GARNL3: variants seen among roughly 807,000 people sequenced by gnomAD.
GARNL3 encodes GTPase-activating Rap/Ran-GAP domain-like protein 3.
GARNL3 carries 63 observed loss-of-function variants against 125.0 expected under a neutral mutation model. The ratio of observed to expected loss-of-function variants is 0.50; its 90% CI spans 0.41 to 0.62. GARNL3 has a LOEUF of 0.62. Among genes scored for constraint, GARNL3 ranks in the 20% least tolerant of loss-of-function variants. The pLI, the probability that GARNL3 is intolerant of heterozygous loss-of-function variation, is 0.00. For missense variants in GARNL3, 994 were observed against 1,244.0 expected (o/e 0.80, Z 3.02); for synonymous variants, 439 against 457.5 (o/e 0.96, Z 0.52).
At chr9:127,243,143 A>G (rs1287427626) in exon 2 of GARNL3, 1 of 1,365,944 alleles carries the variant, frequency 7.3e-7, no homozygotes, top group Admixed American at 1.9e-5. Flanking sequence ...TGGGAGTCAG[A>G]TAGCACAAAC....
rs111773145 is a variant in GARNL3, at chr9:127,349,745, A to G, written c.1543+710A>G. Among the ~76,000 whole-genome samples, 150 of 152,278 alleles carry G rather than the reference A, an allele frequency of 9.9e-4. 1 individual carries two copies. Among genetic ancestry groups the G allele is most frequent in the African/African-American group, 3.4e-3 (143 of 41,550 alleles). ...TGAATGAATGACAGAGGAGCTAAACACTAGTAACAGGTTGTCTCCTGGGCT... is the reference window on the plus strand; with the variant it reads ...TGAATGAATGACAGAGGAGCTAAACGCTAGTAACAGGTTGTCTCCTGGGCT... On this transcript the variant is annotated intron_variant, in intron 17 of 27. Transcript: ENST00000373387.
chr9:127,330,115 G>A (rs1829140906), intron 7 of GARNL3, among the ~76,000 whole-genome samples: 1 of 152,222 alleles, frequency 6.6e-6, no homozygotes, highest in Non-Finnish European at 1.5e-5. Flanking sequence ...AACTCCTGGG[G>A]TGGAACCCAG....
chr9:127,354,829 G>A (rs779764563), intron 19 of GARNL3, among the ~76,000 whole-genome samples: 10 of 152,104 alleles, frequency 6.6e-5, no homozygotes, highest in Admixed American at 6.5e-4. Flanking sequence ...TCTCACTCTT[G>A]TTGCCCAGGC....
At chr9:127,252,072 A>G (rs1009301235) in intron 2 of GARNL3, among the ~76,000 whole-genome samples, 3 of 152,206 alleles carry the variant, frequency 2.0e-5, no homozygotes, top group Non-Finnish European at 4.4e-5. Context: ...TTTCTCCACA[A>G]ATTATCGCCC....
At chr9:127,310,224 A>G (rs1029334340) in intron 2 of GARNL3, among the ~76,000 whole-genome samples, 7 of 152,230 alleles carry the variant, frequency 4.6e-5, no homozygotes, top group Admixed American at 2.0e-4. Flanking sequence ...GGGATGGGGG[A>G]ATTTTTTATA....
intron 7 of GARNL3, 89 bp from the exon 8 acceptor site, chr9:127,332,185 C>A: frequency 2.2e-6 from 2 of 893,886 alleles, no homozygotes; most frequent in Admixed American, 1.8e-5. Context: ...TGGTGACTGC[C>A]ATTGTGCTAA....
intron 1 of GARNL3, among the ~76,000 whole-genome samples, chr9:127,271,064 A>C (rs1344056968): frequency 6.7e-6 from 1 of 150,238 alleles, no homozygotes; most frequent in Non-Finnish European, 1.5e-5. Flanking sequence ...TGGACAGGGC[A>C]GATTTTCTCT....
At chr9:127,315,152 C>T (rs2065205604) in intron 4 of GARNL3, among the ~76,000 whole-genome samples, 1 of 152,166 alleles carries the variant, frequency 6.6e-6, no homozygotes, top group Admixed American at 6.5e-5. Context: ...GGGTTCTCAG[C>T]TGTTGATGGA....
intron 4 of GARNL3, among the ~76,000 whole-genome samples, chr9:127,316,663 T>C (rs977051838): frequency 2.6e-5 from 4 of 152,200 alleles, no homozygotes; most frequent in Admixed American, 2.0e-4. Flanking sequence ...TCAGCCCAGT[T>C]TCCTTGGCTA....
chr9:127,246,219 G>A (rs1404492870), intron 2 of GARNL3, among the ~76,000 whole-genome samples: 1 of 152,206 alleles, frequency 6.6e-6, no homozygotes, highest in Non-Finnish European at 1.5e-5. Context: ...ATTGGCGTCA[G>A]TAGGCAACTG....
At chr9:127,302,790 G>T (rs1480843298) in intron 2 of GARNL3, among the ~76,000 whole-genome samples, 2 of 152,116 alleles carry the variant, frequency 1.3e-5, no homozygotes, top group Non-Finnish European at 2.9e-5. Context: ...CTGAAGAGTT[G>T]AATTTTTTAA....
chr9:127,363,469 T>C (rs1194188145), intron 21 of GARNL3: 3 of 152,322 alleles, frequency 2.0e-5, no homozygotes, highest in African/African-American at 4.8e-5. Flanking sequence ...GGGGATTCCA[T>C]TGGAAGGGGC....
At chr9:127,296,464 CTTTTTT>C (rs777082855) in intron 2 of GARNL3, among the ~76,000 whole-genome samples, 1 of 87,108 alleles carries the variant, frequency 1.1e-5, no homozygotes, top group Non-Finnish European at 2.2e-5. Flanking sequence ...GTAGGCATGA[CTTTTTT>C]TTTTTTTTTT....
chr9:127,249,892 C>T (rs2063370001), intron 2 of GARNL3, among the ~76,000 whole-genome samples: 1 of 152,006 alleles, frequency 6.6e-6, no homozygotes. Flanking sequence ...GCCTGTAATC[C>T]CAGCTACTCG....
rs140087528 is a variant in GARNL3 at position 127,251,523 on chromosome 9, C to G, written c.143+8274C>G. Among the ~76,000 whole-genome samples the G allele has an allele frequency of 7.0e-3, 1,063 of 152,164 alleles. 18 individuals are homozygous for G. Among genetic ancestry groups the G allele is most frequent in the African/African-American group, 0.025 (1,022 of 41,498 alleles). ...AGCACAGAGTAAGCTGCTTTTCTTC[C>G]ACTACGTGGTCTGAATGTGTCTGAA... is the stretch of plus-strand genomic sequence containing the variant. On this transcript the variant is annotated intron_variant, in intron 2 of 10. Transcript: ENST00000439286.
At chr9:127,376,577 G>GCTTTCTTTCTTTCTTTCTTTCTTTCTTT (rs58810186) in intron 22 of GARNL3, among the ~76,000 whole-genome samples, 5 of 151,790 alleles carry the variant, frequency 3.3e-5, no homozygotes, top group African/African-American at 9.7e-5. Context: ...ATAGTGGACA[G>GCTTTCTTTCTTTCTTTCTTTCTTTCTTT]CTTTCTTTCT....
rs989263949 is a variant in GARNL3, at chr9:127,354,171, G to A, written c.1643-123G>A. ...GCATTGTCAGGTTAAAGTGGTGTGG[G>A]GTGCCTCCTGAATTCCAGAACACCT... On this transcript the variant is annotated intron_variant, in intron 18 of 27. Coordinates refer to ENST00000373387, the MANE Select transcript of GARNL3 (RefSeq NM_032293.5). The A allele has an allele frequency of 4.1e-6, 3 of 736,420 alleles. No individual in the cohort carries two copies. The East Asian group carries it at 7.4e-5, about 18-fold the overall frequency. The allele number at this position is 736,420 out of a possible 1,614,324, so 45.6% of individuals were successfully genotyped here.
At chr9:127,365,461 G>C in intron 22 of GARNL3, 95 bp downstream of exon 22, 1 of 1,004,858 alleles carries the variant, frequency 1.0e-6, no homozygotes, top group South Asian at 1.4e-5. Context: ...GATTTACCCA[G>C]TGTATCATTC....
In GARNL3 at chr9:127,224,703, G is replaced by A. The variant is rs189476757; in HGVS notation, c.-29+365G>A. 144 of 152,986 alleles carry A rather than the reference G, an allele frequency of 9.4e-4. 2 individuals carry two copies. In the East Asian group the frequency reaches 0.028, roughly 29 times the overall value. The allele number at this position is 152,986 out of a possible 1,614,324, so 9.5% of individuals were successfully genotyped here. ...AGCAGAGGTTTGGGGTGAGTGCGAGGGCCTTGCGCGAGCTCAGTAGTGCAG... is the reference window on the plus strand; with the variant it reads ...AGCAGAGGTTTGGGGTGAGTGCGAGAGCCTTGCGCGAGCTCAGTAGTGCAG... On this transcript the variant is annotated intron_variant, in intron 1 of 10. Transcript: ENST00000439286.
Sources: allele counts gnomAD v4.1 joint callset (sites outside exome capture counted in the v4.1 genomes callset), GRCh38; gene constraint gnomAD v4.1.1; transcripts MANE v1.5; gene names NCBI Gene and HGNC (gene_info 2026-07-23, HGNC 2026-07-21).